Variants in TMEM272 observed in about 807,000 individuals in gnomAD.
TMEM272 encodes long intergenic non-protein coding RNA 282.
A neutral mutation model predicts 3.7 loss-of-function variants in TMEM272; 8 were observed. The ratio of observed to expected loss-of-function variants is 2.17; its 90% confidence interval spans 1.27 to 3.91. TMEM272 has a LOEUF of 3.91. TMEM272 is among the 30% of genes most tolerant of loss of function. TMEM272 has a pLI of 0.00. For missense variants in TMEM272, 166 were observed against 91.5 expected (o/e 1.81, Z -3.32); for synonymous variants, 63 against 39.8 (o/e 1.58, Z -2.20).
the TMEM272 span, among the ~76,000 whole-genome samples, chr13:51,896,834 C>T: frequency 6.6e-6 from 1 of 152,252 alleles, no homozygotes; most frequent in African/African-American, 2.4e-5. Flanking sequence ...CTTAAAGAAA[C>T]CCAGGTACCT....
chr13:51,892,863 T>C, the TMEM272 span, among the ~76,000 whole-genome samples: 1 of 152,270 alleles, frequency 6.6e-6, no homozygotes, highest in Admixed American at 6.5e-5. Flanking sequence ...AATCTCTGGG[T>C]TGCCTCACCC....
intron 1 of TMEM272, among the ~76,000 whole-genome samples, chr13:51,839,087 A>T (rs1351691857): frequency 6.6e-6 from 1 of 151,738 alleles, no homozygotes; most frequent in Non-Finnish European, 1.5e-5. Flanking sequence ...CAGCTGCTGC[A>T]CTCCCCAGGG....
At chr13:51,817,231 G>T (rs1352858084) in intron 4 of TMEM272, 118 bp from the exon 5 acceptor site, 1 of 599,146 alleles carries the variant, frequency 1.7e-6, no homozygotes, top group East Asian at 2.8e-5. Flanking sequence ...GGAGAGAGAG[G>T]AAGGTGTTAT....
At chr13:51,898,875 C>A in the TMEM272 span, among the ~76,000 whole-genome samples, 5 of 151,968 alleles carry the variant, frequency 3.3e-5, no homozygotes, top group South Asian at 1.0e-3. Context: ...TTGATTCTAC[C>A]TTGTACCTGC....
At chr13:51,911,030 ATTGTT>A in the TMEM272 span, among the ~76,000 whole-genome samples, 12 of 152,144 alleles carry the variant, frequency 7.9e-5, no homozygotes, top group Non-Finnish European at 2.9e-5. Flanking sequence ...ATAACAAATC[ATTGTT>A]TTAAGTCGCT....
At chr13:51,912,027 T>C in the TMEM272 span, among the ~76,000 whole-genome samples, 9 of 152,070 alleles carry the variant, frequency 5.9e-5, no homozygotes, top group Non-Finnish European at 1.0e-4. Context: ...TGTTTGAATG[T>C]CACCTGTCAG....
chr13:51,911,285 A>C, the TMEM272 span, among the ~76,000 whole-genome samples: 2 of 152,232 alleles, frequency 1.3e-5, no homozygotes, highest in East Asian at 1.9e-4. Flanking sequence ...TATGCTTTTT[A>C]GGTTAACTCC....
the TMEM272 span, among the ~76,000 whole-genome samples, chr13:51,859,489 C>T: frequency 6.8e-6 from 1 of 146,432 alleles, no homozygotes; most frequent in Non-Finnish European, 1.5e-5. Flanking sequence ...CAACCTGCAC[C>T]CCCGACTCCC....
chr13:51,931,766 A>C, the TMEM272 span, among the ~76,000 whole-genome samples: 3 of 152,128 alleles, frequency 2.0e-5, no homozygotes, highest in South Asian at 4.2e-4. Context: ...ATCCGGAAAA[A>C]CAGTCAAGCA....
chr13:51,863,732 C>T, the TMEM272 span, among the ~76,000 whole-genome samples: 1 of 151,632 alleles, frequency 6.6e-6, no homozygotes, highest in Non-Finnish European at 1.5e-5. Flanking sequence ...CTTTTCTCCT[C>T]CTCCACTCCC....
chr13:51,925,498 C>A, the TMEM272 span, among the ~76,000 whole-genome samples: 4 of 152,094 alleles, frequency 2.6e-5, no homozygotes, highest in Non-Finnish European at 4.4e-5. Flanking sequence ...AATAGCAATA[C>A]ACACATCCCT....
chr13:51,934,211 C>G, the TMEM272 span: 1 of 197,002 alleles, frequency 5.1e-6, no homozygotes, highest in East Asian at 1.2e-4. Flanking sequence ...TCCCCACTGA[C>G]AAGCACACAG....
the TMEM272 span, among the ~76,000 whole-genome samples, chr13:51,928,057 T>G: frequency 2.1e-3 from 325 of 151,830 alleles, 2 homozygotes; most frequent in South Asian, 0.023. Flanking sequence ...CAGGGCACAC[T>G]GAGGTGGAGG....
the TMEM272 span, among the ~76,000 whole-genome samples, chr13:51,890,299 C>T: frequency 6.6e-6 from 1 of 152,152 alleles, no homozygotes; most frequent in Non-Finnish European, 1.5e-5. Context: ...GTGGATCCCT[C>T]ATGAACAGAT....
intron 1 of TMEM272, among the ~76,000 whole-genome samples, chr13:51,842,801 G>A (rs1956273765): frequency 6.6e-6 from 1 of 152,162 alleles, no homozygotes; most frequent in South Asian, 2.1e-4. Context: ...ATTTCACAGA[G>A]TACGCTATAT....
rs1354326683 is a variant in TMEM272, at chr13:51,816,415, C to T, written c.*336G>A. 4.6e-6 allele frequency: 1 copy of T among 217,264 alleles called. No homozygotes were observed. Among genetic ancestry groups the T allele is most frequent in the East Asian group, 9.7e-5 (1 of 10,258 alleles). 13.5% of individuals were successfully genotyped at this position (217,264 alleles called of 1,614,324 possible). ...GCTCTTGCACCAGTCATTGAAATTG[C>T]ACTATGATTTGAAAAGGTCTCCCAT... On this transcript the variant is annotated 3_prime_UTR_variant, in exon 5 of 5. Coordinates refer to ENST00000629372, the MANE Select transcript of TMEM272 (RefSeq NM_001351003.2).
intron 3 of TMEM272, among the ~76,000 whole-genome samples, chr13:51,822,527 AG>A (rs1185761883): frequency 6.6e-6 from 1 of 152,210 alleles, no homozygotes; most frequent in African/African-American, 2.4e-5. Context: ...GCTTAAAATA[AG>A]GTTCAATTTA....
At chr13:51,838,657 T>G in intron 1 of TMEM272, 104 bp from the exon 2 acceptor site, 1 of 690,052 alleles carries the variant, frequency 1.4e-6, no homozygotes, top group Non-Finnish European at 2.7e-6. Context: ...CAGGGTGGTC[T>G]CAGTCAGCCC....
the TMEM272 span, among the ~76,000 whole-genome samples, chr13:51,902,935 G>C: frequency 6.6e-6 from 1 of 152,248 alleles, no homozygotes; most frequent in African/African-American, 2.4e-5. Context: ...TGCTCTGCAA[G>C]GGCAATTCTT....
Sources: gnomAD v4.1 joint callset for allele counts (sites outside exome capture counted in the v4.1 genomes callset) on GRCh38, gnomAD v4.1.1 for gene constraint, MANE v1.5 for transcripts, NCBI Gene and HGNC (gene_info 2026-07-23, HGNC 2026-07-21) for gene names.